The following LRRC49 variants were observed in gnomAD, a reference collection of about 807,000 sequenced individuals.
The protein encoded by LRRC49 is leucine-rich repeat-containing protein 49.
Under a neutral mutation model 83.3 loss-of-function variants are expected in LRRC49, and 50 were observed. The observed-to-expected ratio is 0.60, with a 90% CI of 0.48 to 0.76. The LOEUF (loss-of-function observed/expected upper bound fraction) is 0.76. LRRC49 is among the 30% of genes least tolerant of loss of function. LRRC49 has a pLI of 0.00. For missense variants in LRRC49, 704 were observed against 809.1 expected (o/e 0.87, Z 1.58); for synonymous variants, 286 against 283.3 (o/e 1.01, Z -0.10).
At chr15:70,925,024 T>G (rs2035145047) in intron 7 of LRRC49, among the ~76,000 whole-genome samples, 1 of 152,036 alleles carries the variant, frequency 6.6e-6, no homozygotes, top group Admixed American at 6.6e-5. Flanking sequence ...TATGTTTAGG[T>G]GTGGAACTAT....
intron 1 of LRRC49, among the ~76,000 whole-genome samples, chr15:70,870,177 G>T (rs569921806): frequency 3.3e-5 from 5 of 152,354 alleles, no homozygotes; most frequent in African/African-American, 1.2e-4. Context: ...AAAGACTGAT[G>T]CAGAATAAAA....
intron 15 of LRRC49, among the ~76,000 whole-genome samples, chr15:71,047,998 A>C (rs974490181): frequency 6.7e-6 from 1 of 149,914 alleles, no homozygotes; most frequent in Admixed American, 6.6e-5. Context: ...CTAGTCTCGA[A>C]CTCCTGACCG....
At chr15:71,012,250 T>G (rs1225681494) in intron 13 of LRRC49, among the ~76,000 whole-genome samples, 1 of 152,166 alleles carries the variant, frequency 6.6e-6, no homozygotes, top group Non-Finnish European at 1.5e-5. Context: ...TAAGAATGGG[T>G]CCTCATAGGG....
chr15:70,992,744 G>C (rs544750726), intron 11 of LRRC49, among the ~76,000 whole-genome samples: 1 of 152,342 alleles, frequency 6.6e-6, no homozygotes, highest in African/African-American at 2.4e-5. Flanking sequence ...TCCTCTGGAG[G>C]TTTCGTCTCA....
At chr15:70,892,703 A>G, upstream of LRRC49, 2 of 1,463,522 alleles carry the variant, frequency 1.4e-6, no homozygotes, top group Non-Finnish European at 1.8e-6. Flanking sequence ...CTGGGCTCTC[A>G]CGAATACAAC....
chr15:70,873,177 G>A (rs926096925), exon 2 of LRRC49: 151 of 1,535,038 alleles, frequency 9.8e-5, no homozygotes, highest in Non-Finnish European at 1.2e-4. Flanking sequence ...GAGCCACCTC[G>A]CCCAGCCAAC....
rs1309622693 is a variant in LRRC49 at position 70,984,257 on chromosome 15, G to A, written c.1169G>A (p.Gly390Glu). ...CTCTCTGCATTCCCAGAGGAAACAG[G>A]GTATGCAATGGTATTTTTTCAAGAT... The part of the protein sequence containing the change: ...STLSAFPEET[G>E]PLDSGLNNAL... Residue 390 changes from glycine (G) to glutamate (E), a missense_variant and splice_region_variant, in exon 11 of 16, where the codon GGG (glycine) becomes GAG (glutamate). Transcript: ENST00000260382. 1.9e-6 allele frequency: 3 copies of A among 1,590,336 alleles called. No homozygotes were observed. In the South Asian group the frequency reaches 3.5e-5, roughly 18 times the overall value.
At chr15:70,968,365 T>C (rs2141205177) in intron 9 of LRRC49, among the ~76,000 whole-genome samples, 1 of 152,310 alleles carries the variant, frequency 6.6e-6, no homozygotes, top group East Asian at 1.9e-4. Context: ...ACGTGCCACA[T>C]TTTCTTTATC....
At chr15:70,875,505 C>A (rs1476718012) in intron 2 of LRRC49, among the ~76,000 whole-genome samples, 2 of 152,008 alleles carry the variant, frequency 1.3e-5, no homozygotes, top group Non-Finnish European at 2.9e-5. Flanking sequence ...GGGAACGGCC[C>A]AAAAAGGCAA....
chr15:71,016,050 G>T (rs1355581845), intron 14 of LRRC49, among the ~76,000 whole-genome samples: 1 of 152,128 alleles, frequency 6.6e-6, no homozygotes, highest in African/African-American at 2.4e-5. Context: ...GGGCATATGT[G>T]TCAAAGATAC....
chr15:70,967,669 C>T (rs546361540), intron 9 of LRRC49, among the ~76,000 whole-genome samples: 19 of 152,170 alleles, frequency 1.2e-4, no homozygotes, highest in African/African-American at 4.6e-4. Flanking sequence ...CTATAAAGGA[C>T]CTGATAGTAA....
rs377699755 is a variant in LRRC49, at chr15:70,993,585, C to T, written c.1169+9328C>T. 1.3e-4 allele frequency among the ~76,000 whole-genome samples: 20 copies of T among 152,246 alleles called. 1 individual carries two copies. Among genetic ancestry groups the T allele is most frequent in the African/African-American group, 4.8e-4 (20 of 41,534 alleles). On this transcript the variant is annotated intron_variant, in intron 11 of 15. Transcript: ENST00000260382. ...GACAATTTATGTAACTAATATACCA[C>T]TCTTATATAGCCCTAGAGCTATATT...
intron 3 of LRRC49, among the ~76,000 whole-genome samples, chr15:70,896,719 GAGGGCTGATCAGTAT>G (rs1159231738): frequency 2.0e-5 from 3 of 152,110 alleles, no homozygotes; most frequent in Admixed American, 6.6e-5. Flanking sequence ...GTTTATATGA[GAGGGCTGATCAGTAT>G]AGGCCTTTCT....
chr15:70,917,683 C>A (rs1211765082), intron 6 of LRRC49, among the ~76,000 whole-genome samples: 4 of 152,182 alleles, frequency 2.6e-5, no homozygotes, highest in Non-Finnish European at 4.4e-5. Context: ...AGGAGCTGAA[C>A]ACTCATCAGA....
At chr15:71,019,536 G>A (rs2038930500) in intron 14 of LRRC49, among the ~76,000 whole-genome samples, 2 of 152,084 alleles carry the variant, frequency 1.3e-5, no homozygotes, top group South Asian at 4.2e-4. Context: ...CAAAGCCCAG[G>A]GCTCCATCTA....
At chr15:70,993,471 C>CA (rs1161655616) in intron 11 of LRRC49, among the ~76,000 whole-genome samples, 7 of 152,340 alleles carry the variant, frequency 4.6e-5, no homozygotes, top group African/African-American at 1.7e-4. Context: ...CTTCTGCACT[C>CA]ACGCTGGGAG....
chr15:70,896,681 T>C (rs1174049243), intron 3 of LRRC49, among the ~76,000 whole-genome samples: 3 of 152,190 alleles, frequency 2.0e-5, no homozygotes, highest in African/African-American at 7.2e-5. Flanking sequence ...TGAATCCACA[T>C]ATACAAAACT....
In LRRC49 at chr15:70,875,805, C is replaced by T. The variant is rs2033141505; in HGVS notation, c.18+2582C>T. Among the ~76,000 whole-genome samples, 3 of 152,154 alleles carry T rather than the reference C, an allele frequency of 2.0e-5. No homozygotes were observed. In the South Asian group the frequency reaches 6.2e-4, roughly 32 times the overall value. ...CGTCTTGGAGCCTAGATTGGAACTT[C>T]GGTATTCAGCCAGGGTGAAAGAAGC... On this transcript the variant is annotated intron_variant, in intron 2 of 16. Coordinates refer to the LRRC49 transcript ENST00000544974.
intron 8 of LRRC49, among the ~76,000 whole-genome samples, chr15:70,949,660 C>T (rs1225691304): frequency 6.6e-6 from 1 of 152,134 alleles, no homozygotes. Context: ...CTTCTGTATA[C>T]TTTAAATCAT....
Sources: gnomAD v4.1 joint callset for allele counts (sites outside exome capture counted in the v4.1 genomes callset) on GRCh38, gnomAD v4.1.1 for gene constraint, MANE v1.5 for transcripts, NCBI Gene and HGNC (gene_info 2026-07-23, HGNC 2026-07-21) for gene names.